Variants in SYT2 observed in about 807,000 individuals in gnomAD.
SYT2 encodes the protein synaptotagmin-2.
In SYT2, 15 loss-of-function variants were observed where a neutral mutation model predicts 39.9. That is an observed-to-expected ratio of 0.38 (90% CI 0.25 to 0.58). The LOEUF (loss-of-function observed/expected upper bound fraction) is 0.58. Ranked by LOEUF, SYT2 falls within the 20% of genes least tolerant of loss-of-function variation. SYT2 has a pLI of 0.70. For missense variants in SYT2, 389 were observed against 530.3 expected, an observed-to-expected ratio of 0.73 and a Z score of 2.62; for synonymous variants, 181 against 204.5, an observed-to-expected ratio of 0.89 and a Z score of 0.98.
intron 1 of SYT2, chr1:202,632,544 G>A: frequency 1.0e-6 from 1 of 985,356 alleles, no homozygotes. Context: ...TGCTGGAAAT[G>A]TCAGACCCTG....
At chr1:202,690,883 G>A (rs1450651195) in intron 1 of SYT2, among the ~76,000 whole-genome samples, 4 of 152,162 alleles carry the variant, frequency 2.6e-5, no homozygotes, top group Non-Finnish European at 5.9e-5. Context: ...ACTGCAGTAA[G>A]ACTAAGTTCC....
chr1:202,616,879 G>A (rs1466386743), intron 1 of SYT2, among the ~76,000 whole-genome samples: 2 of 152,286 alleles, frequency 1.3e-5, no homozygotes, highest in Middle Eastern at 3.4e-3. Flanking sequence ...CGAGCTCCAG[G>A]CCCACAGGTC....
rs746725648 is a variant in SYT2 at position 202,605,625 on chromosome 1, TCTC to T, written c.145_147del (p.Glu49del). ...ATCTTGTTTATCTCATTGAATAACT[TCTC>T]CTTCAGTTTGGCAAACATGTCCTCC... is the stretch of plus-strand genomic sequence containing the variant. On this transcript the variant is annotated inframe_deletion, in exon 2 of 9. Transcript: ENST00000367268. The T allele has an allele frequency of 3.5e-5, 56 of 1,613,784 alleles. No homozygotes were observed. Among genetic ancestry groups the T allele is most frequent in the Non-Finnish European group, 4.7e-5 (55 of 1,179,842 alleles).
Position 202,624,497 on chromosome 1 carries a change from G to A in SYT2, c.-17-18708C>T, listed in dbSNP as rs1180094224. Among the ~76,000 whole-genome samples, 4 of 142,998 alleles carry A rather than the reference G, an allele frequency of 2.8e-5. No homozygotes were observed. The East Asian group carries it at 8.4e-4, about 30-fold the overall frequency. The allele number at this position is 142,998 out of a possible 152,430, so 93.8% of individuals were successfully genotyped here. The stretch of plus-strand genomic sequence containing the variant: ...GTGAGGTGTGTGTGGTGTATAGTAA[G>A]GTGTGTATGGTGTGTGTCTGTGTGG... On this transcript the variant is annotated intron_variant, in intron 1 of 8. Coordinates refer to ENST00000367268, the MANE Select transcript of SYT2 (RefSeq NM_177402.5).
intron 1 of SYT2, among the ~76,000 whole-genome samples, chr1:202,690,878 A>G (rs989873309): frequency 6.6e-6 from 1 of 152,174 alleles, no homozygotes; most frequent in Non-Finnish European, 1.5e-5. Context: ...GGCTCACTGC[A>G]GTAAGACTAA....
At chr1:202,673,584 A>C (rs1572671557) in intron 1 of SYT2, among the ~76,000 whole-genome samples, 1 of 152,176 alleles carries the variant, frequency 6.6e-6, no homozygotes, top group Non-Finnish European at 1.5e-5. Context: ...CAACAGCTCC[A>C]GTTGAAGGGA....
At chr1:202,625,916 C>T (rs1344892273) in intron 1 of SYT2, among the ~76,000 whole-genome samples, 1 of 152,196 alleles carries the variant, frequency 6.6e-6, no homozygotes, top group Non-Finnish European at 1.5e-5. Context: ...AAGAACATAG[C>T]AGAGAATGCC....
At chr1:202,643,190 T>TA (rs1572652332) in intron 1 of SYT2, 1 of 150,814 alleles carries the variant, frequency 6.6e-6, no homozygotes, top group East Asian at 2.0e-4. Context: ...CCTCAGGCCC[T>TA]AGAGGTGGCC....
rs1038460227 is a variant in SYT2, at chr1:202,694,156, G to C, written c.-18+16102C>G. ...TCACATTTCAACAAGTGATTTGGAG[G>C]GGATGAACATCCAAGCCATATCAGA... is the stretch of plus-strand genomic sequence containing the variant. On this transcript the variant is annotated intron_variant, in intron 1 of 8. Coordinates refer to ENST00000367268, the MANE Select transcript of SYT2 (RefSeq NM_177402.5). Among the ~76,000 whole-genome samples the C allele has an allele frequency of 3.3e-5, 5 of 152,290 alleles. No individual in the cohort carries two copies. In the East Asian group the frequency reaches 5.8e-4, roughly 18 times the overall value.
intron 1 of SYT2, among the ~76,000 whole-genome samples, chr1:202,698,118 C>CCA (rs1553344159): frequency 6.8e-6 from 1 of 146,348 alleles, no homozygotes; most frequent in African/African-American, 2.4e-5. Context: ...CACCACCCCC[C>CCA]CAAGGAAAGT....
chr1:202,616,582 T>C (rs545009396), intron 1 of SYT2, among the ~76,000 whole-genome samples: 3 of 152,308 alleles, frequency 2.0e-5, no homozygotes, highest in Admixed American at 1.3e-4. Context: ...GCCCCTCCAT[T>C]GTGGCTTCTG....
At chr1:202,651,789 G>T (rs750446928) in intron 1 of SYT2, among the ~76,000 whole-genome samples, 12 of 152,206 alleles carry the variant, frequency 7.9e-5, no homozygotes, top group Non-Finnish European at 1.5e-4. Flanking sequence ...GGGCAGGCGT[G>T]GTGGCTCACG....
intron 1 of SYT2, among the ~76,000 whole-genome samples, chr1:202,616,993 A>C (rs1258340639): frequency 6.6e-6 from 1 of 152,228 alleles, no homozygotes; most frequent in African/African-American, 2.4e-5. Flanking sequence ...ATGCAAAGCC[A>C]GTCATGTCGC....
At position 202,617,001 on chromosome 1, in the gene SYT2, C is replaced by T. The variant is rs775406129; in HGVS notation, c.-17-11212G>A. Among the ~76,000 whole-genome samples, 18 of 152,206 alleles carry T rather than the reference C, an allele frequency of 1.2e-4. No individual in the cohort carries two copies. In the South Asian group the frequency reaches 1.4e-3, roughly 12 times the overall value. On this transcript the variant is annotated intron_variant, in intron 1 of 8. Coordinates refer to ENST00000367268, the MANE Select transcript of SYT2 (RefSeq NM_177402.5). ...TCATAAAATGCAAAGCCAGTCATGTCGCCAAAAATGAAAAGCCATCCCAGG... is the reference window on the plus strand; with the variant it reads ...TCATAAAATGCAAAGCCAGTCATGTTGCCAAAAATGAAAAGCCATCCCAGG...
chr1:202,632,087 A>G, intron 1 of SYT2: 1 of 985,352 alleles, frequency 1.0e-6, no homozygotes, highest in Non-Finnish European at 1.2e-6. Flanking sequence ...GAGGGGAGAA[A>G]CAAGACAGAA....
At chr1:202,627,589 C>T in intron 1 of SYT2, 4 of 985,286 alleles carry the variant, frequency 4.1e-6, no homozygotes, top group Non-Finnish European at 4.8e-6. Flanking sequence ...GAAAGGAGAT[C>T]CAGTGCAGCT....
chr1:202,625,944 GTA>G (rs1491036294), intron 1 of SYT2, among the ~76,000 whole-genome samples: 1 of 152,230 alleles, frequency 6.6e-6, no homozygotes, highest in African/African-American at 2.4e-5. Flanking sequence ...CTGTGTATGT[GTA>G]TGTGTGTGCA....
rs1233989457 is a variant in SYT2 at position 202,710,439 on chromosome 1, G to A, written c.-199C>T. 6.6e-6 allele frequency: 1 copy of A among 152,332 alleles called. No homozygotes were observed. The highest frequency in any genetic ancestry group is 1.5e-5 in the Non-Finnish European group (1 of 68,106). The allele number at this position is 152,332 out of a possible 1,614,324, so 9.4% of individuals were successfully genotyped here. A position where few individuals can be genotyped will look rare whatever the true frequency, so the allele number is the denominator to read the frequency against. ...AAGTGCCTTTGCCGCAAGACTTGCTGAGCTTAGCAGTCTGCGCCGAGGCGG... is the reference window on the plus strand; with the variant it reads ...AAGTGCCTTTGCCGCAAGACTTGCTAAGCTTAGCAGTCTGCGCCGAGGCGG... On this transcript the variant is annotated 5_prime_UTR_variant, in exon 1 of 9. Transcript: ENST00000367268.
At chr1:202,667,148 T>C (rs112347071) in intron 1 of SYT2, among the ~76,000 whole-genome samples, 2,300 of 152,200 alleles carry the variant, frequency 0.015, 54 homozygotes, top group African/African-American at 0.052. Flanking sequence ...GGGAAAAGAC[T>C]CAACCGAAAG....
Sources: allele counts gnomAD v4.1 joint callset (sites outside exome capture counted in the v4.1 genomes callset), GRCh38; gene constraint gnomAD v4.1.1; transcripts MANE v1.5; gene names NCBI Gene and HGNC (gene_info 2026-07-23, HGNC 2026-07-21).